L3MBTL3: variants seen among roughly 807,000 people sequenced by gnomAD.
The protein encoded by L3MBTL3 is lethal(3)malignant brain tumor-like protein 3.
L3MBTL3 carries 27 observed loss-of-function variants against 102.3 expected under a neutral mutation model. The observed-to-expected ratio is 0.26, with a 90% confidence interval of 0.19 to 0.36. L3MBTL3 has a LOEUF of 0.36. Among genes scored for constraint, L3MBTL3 ranks in the 10% least tolerant of loss-of-function variants. The probability of loss-of-function intolerance (pLI) is 1.00; values close to 1 mark genes in which losing one functional copy is unlikely to be tolerated. For synonymous variants in L3MBTL3, 340 were observed against 320.9 expected, an observed-to-expected ratio of 1.06 and a Z score of -0.64; for missense variants, 798 against 955.3, an observed-to-expected ratio of 0.84 and a Z score of 2.17.
intron 13 of L3MBTL3, among the ~76,000 whole-genome samples, chr6:130,075,105 G>A (rs73614258): frequency 0.023 from 3,525 of 152,254 alleles, 125 homozygotes; most frequent in African/African-American, 0.08. Flanking sequence ...TGGGAAGGCC[G>A]TGGAGATGAA....
Position 130,068,316 on chromosome 6 carries a change from T to G in L3MBTL3, c.1001-14T>G. 1 of 1,435,714 alleles carries G rather than the reference T, an allele frequency of 7.0e-7. No individual in the cohort carries two copies. The highest frequency in any genetic ancestry group is 9.8e-7 in the Non-Finnish European group (1 of 1,018,666). 88.9% of individuals were successfully genotyped at this position (1,435,714 alleles called of 1,614,324 possible). A position where few individuals can be genotyped will look rare whatever the true frequency, so the allele number is the denominator to read the frequency against. ...TGGTATTTGAATCAATCTGTTCATATGTGCTTACTCTAGGGTATAAAGAAG... is the reference window on the plus strand; with the variant it reads ...TGGTATTTGAATCAATCTGTTCATAGGTGCTTACTCTAGGGTATAAAGAAG... On this transcript the variant is annotated splice_polypyrimidine_tract_variant and intron_variant, in intron 11 of 22. Coordinates refer to ENST00000361794, the MANE Select transcript of L3MBTL3 (RefSeq NM_032438.4).
intron 13 of L3MBTL3, among the ~76,000 whole-genome samples, chr6:130,077,376 T>G (rs1361610671): frequency 6.6e-6 from 1 of 152,230 alleles, no homozygotes; most frequent in Non-Finnish European, 1.5e-5. Context: ...GAACTTGGCA[T>G]TGACCTAGCA....
At chr6:130,053,724 T>A (rs1781260680) in intron 7 of L3MBTL3, among the ~76,000 whole-genome samples, 1 of 151,908 alleles carries the variant, frequency 6.6e-6, no homozygotes, top group African/African-American at 2.4e-5. Context: ...TCAAAATGTG[T>A]GAATTAAAAC....
intron 13 of L3MBTL3, among the ~76,000 whole-genome samples, chr6:130,075,953 T>C (rs1184706313): frequency 6.6e-6 from 1 of 152,190 alleles, no homozygotes; most frequent in East Asian, 1.9e-4. Flanking sequence ...TTGAAGCAAA[T>C]TAATATTTCA....
At chr6:130,091,300 G>T (rs904568808) in intron 16 of L3MBTL3, among the ~76,000 whole-genome samples, 3 of 152,070 alleles carry the variant, frequency 2.0e-5, no homozygotes, top group Non-Finnish European at 4.4e-5. Flanking sequence ...GTCTTGTAAG[G>T]AATGAGAGGT....
chr6:130,036,062 T>G (rs1040537721), intron 2 of L3MBTL3, among the ~76,000 whole-genome samples: 1 of 151,762 alleles, frequency 6.6e-6, no homozygotes, highest in African/African-American at 2.4e-5. Context: ...AGGTGATACC[T>G]ACAAGAACAA....
intron 10 of L3MBTL3, among the ~76,000 whole-genome samples, chr6:130,064,465 G>C (rs150171718): frequency 6.6e-6 from 1 of 152,234 alleles, no homozygotes; most frequent in African/African-American, 2.4e-5. Flanking sequence ...AAGTAGAGAG[G>C]AAGGGAGTCA....
intron 1 of L3MBTL3, chr6:130,019,611 GCGCACACGCACACTCACACGCA>G (rs1778809275): frequency 6.6e-6 from 1 of 150,736 alleles, no homozygotes; most frequent in Admixed American, 6.6e-5. Context: ...GACTCCCACC[GCGCACACGCACACTCACACGCA>G]CGCACACACA....
chr6:130,065,970 T>C (rs1782220395), intron 10 of L3MBTL3, among the ~76,000 whole-genome samples: 1 of 152,170 alleles, frequency 6.6e-6, no homozygotes, highest in African/African-American at 2.4e-5. Flanking sequence ...CAGGGCAGAC[T>C]GTCCACTCTG....
intron 20 of L3MBTL3, among the ~76,000 whole-genome samples, chr6:130,131,192 G>A (rs1786987384): frequency 6.6e-6 from 1 of 151,592 alleles, no homozygotes; most frequent in African/African-American, 2.4e-5. Flanking sequence ...AATTTGTCTA[G>A]TAGAAATAAG....
At chr6:130,035,703 C>T (rs999619908) in intron 2 of L3MBTL3, among the ~76,000 whole-genome samples, 2 of 152,126 alleles carry the variant, frequency 1.3e-5, no homozygotes, top group Non-Finnish European at 2.9e-5. Context: ...CATGACATTA[C>T]GTATTAGTGG....
At chr6:130,095,390 TC>T (rs1421071798) in intron 18 of L3MBTL3, among the ~76,000 whole-genome samples, 4 of 152,204 alleles carry the variant, frequency 2.6e-5, no homozygotes, top group Admixed American at 6.5e-5. Context: ...TCCTTAATGT[TC>T]TATGAGGTTC....
At chr6:130,100,684 TA>T (rs1784630386) in intron 18 of L3MBTL3, among the ~76,000 whole-genome samples, 1 of 152,044 alleles carries the variant, frequency 6.6e-6, no homozygotes, top group African/African-American at 2.4e-5. Flanking sequence ...GTAAGTGTCA[TA>T]ATGGCTGCAG....
chr6:130,129,205 C>T (rs1786838216), intron 20 of L3MBTL3, among the ~76,000 whole-genome samples: 1 of 151,878 alleles, frequency 6.6e-6, no homozygotes, highest in Non-Finnish European at 1.5e-5. Context: ...GTCTTTATGC[C>T]TCTTATTCAT....
At chr6:130,040,081 C>T (rs147347060) in intron 2 of L3MBTL3, among the ~76,000 whole-genome samples, 3,328 of 152,202 alleles carry the variant, frequency 0.022, 56 homozygotes, top group Non-Finnish European at 0.033. Context: ...AATCCCAGCA[C>T]TTTGGGAGGC....
intron 9 of L3MBTL3, among the ~76,000 whole-genome samples, chr6:130,059,453 C>T (rs1781750545): frequency 2.0e-5 from 3 of 152,162 alleles, no homozygotes; most frequent in Admixed American, 1.3e-4. Flanking sequence ...TAATAATTTA[C>T]GTTCTTCCCT....
chr6:130,133,766 G>A lies in L3MBTL3; in HGVS notation c.2137-77G>A. The A allele has an allele frequency of 6.7e-7, 1 of 1,483,810 alleles. No homozygotes were observed. The highest frequency in any genetic ancestry group is 1.4e-5 in the African/African-American group (1 of 72,140). 91.9% of individuals were successfully genotyped at this position (1,483,810 alleles called of 1,614,324 possible). A position where few individuals can be genotyped will look rare whatever the true frequency, so the allele number is the denominator to read the frequency against. On this transcript the variant is annotated intron_variant, in intron 21 of 22. Coordinates refer to ENST00000361794, the MANE Select transcript of L3MBTL3 (RefSeq NM_032438.4). The surrounding 1 kb of genome is among the most constrained non-coding windows in gnomAD (Gnocchi z 4.9). The stretch of plus-strand genomic sequence containing the variant: ...TGAGAGAAATAACTAATGCATATGG[G>A]TTAAATGTTTTGAACCTGTAGCATT...
intron 2 of L3MBTL3, among the ~76,000 whole-genome samples, chr6:130,030,042 A>G (rs1366119263): frequency 1.3e-5 from 2 of 152,034 alleles, no homozygotes; most frequent in African/African-American, 4.8e-5. Flanking sequence ...TATTTTCAGT[A>G]GAGATAGGGT....
intron 16 of L3MBTL3, among the ~76,000 whole-genome samples, chr6:130,086,455 A>G (rs1040809990): frequency 6.6e-6 from 1 of 152,166 alleles, no homozygotes; most frequent in Non-Finnish European, 1.5e-5. Flanking sequence ...TTAGTTATGA[A>G]TGACTTAATA....
Sources: allele counts gnomAD v4.1 joint callset (sites outside exome capture counted in the v4.1 genomes callset), GRCh38; gene constraint gnomAD v4.1.1; non-coding constraint Gnocchi (gnomAD v3.1); transcripts MANE v1.5; gene names NCBI Gene and HGNC (gene_info 2026-07-23, HGNC 2026-07-21).